The following NBEA variants were observed in gnomAD, a reference collection of about 807,000 sequenced individuals.
NBEA encodes the protein lysosomal-trafficking regulator 2.
A neutral mutation model predicts 343.4 loss-of-function variants in NBEA; 44 were observed. The observed-to-expected ratio is 0.13, with a 90% CI of 0.10 to 0.16. NBEA has a LOEUF of 0.16. Among genes scored for constraint, NBEA ranks in the 10% least tolerant of loss-of-function variants. The pLI is 1.00. For missense variants in NBEA, 2,555 were observed against 3,631.3 expected, an observed-to-expected ratio of 0.70 and a Z score of 7.62; for synonymous variants, 1,175 against 1,238.7, an observed-to-expected ratio of 0.95 and a Z score of 1.08.
intron 33 of NBEA, among the ~76,000 whole-genome samples, chr13:35,216,942 A>C (rs1304093752): frequency 1.3e-5 from 2 of 151,920 alleles, no homozygotes; most frequent in Admixed American, 6.6e-5. Flanking sequence ...CTCTATGGTA[A>C]GTATATGATT....
At chr13:35,291,517 C>T (rs2035799892) in intron 35 of NBEA, among the ~76,000 whole-genome samples, 1 of 151,788 alleles carries the variant, frequency 6.6e-6, no homozygotes, top group African/African-American at 2.4e-5. Flanking sequence ...AAACAACATC[C>T]CTGTGAGGAG....
In NBEA at chr13:35,476,550, C is replaced by T. The variant is rs1214967927; in HGVS notation, c.6585+4014C>T. The T allele has an allele frequency of 1.5e-5, 9 of 592,124 alleles. No homozygotes were observed. In the East Asian group the frequency reaches 2.0e-4, roughly 13 times the overall value. The allele number at this position is 592,124 out of a possible 1,614,324, so 36.7% of individuals were successfully genotyped here. The stretch of plus-strand genomic sequence containing the variant: ...TCTTCCAGTAGTCAAAATAAGCACC[C>T]CTTTCCGTATTTATTTGCGCTTTCC... On this transcript the variant is annotated intron_variant, in intron 41 of 58. Coordinates refer to ENST00000379939, the MANE Select transcript of NBEA (RefSeq NM_001385012.1).
At chr13:35,054,103 A>G (rs2063159825) in intron 6 of NBEA, among the ~76,000 whole-genome samples, 1 of 152,120 alleles carries the variant, frequency 6.6e-6, no homozygotes, top group Non-Finnish European at 1.5e-5. Context: ...TATTTATCTT[A>G]AAACTGTCTT....
At chr13:35,096,626 G>A (rs2065345440) in intron 10 of NBEA, among the ~76,000 whole-genome samples, 1 of 151,816 alleles carries the variant, frequency 6.6e-6, no homozygotes, top group Non-Finnish European at 1.5e-5. Context: ...CTCATGCTTA[G>A]GAATCCATTT....
At chr13:35,182,647 G>A (rs1217227100) in intron 29 of NBEA, 119 bp downstream of exon 29, 37 of 928,288 alleles carry the variant, frequency 4.0e-5, no homozygotes, top group East Asian at 1.5e-4. Flanking sequence ...ATGAATGGTT[G>A]GTATAGAAAT....
intron 49 of NBEA, among the ~76,000 whole-genome samples, chr13:35,639,108 T>G (rs528091656): frequency 1.3e-5 from 2 of 152,308 alleles, no homozygotes; most frequent in Admixed American, 1.3e-4. Flanking sequence ...GCTTAAATAT[T>G]CTAATAATTT....
chr13:35,230,799 A>G (rs766741693), intron 33 of NBEA, among the ~76,000 whole-genome samples: 2 of 152,028 alleles, frequency 1.3e-5, no homozygotes, highest in Non-Finnish European at 2.9e-5. Context: ...AGTCATTCTC[A>G]AAGTGTGTTT....
At chr13:35,127,264 T>C (rs1010867207) in intron 17 of NBEA, among the ~76,000 whole-genome samples, 4 of 152,188 alleles carry the variant, frequency 2.6e-5, no homozygotes, top group Admixed American at 2.0e-4. Context: ...AAACTATCCT[T>C]TAAGTAAAAA....
chr13:35,455,256 A>G (rs1205336849), intron 40 of NBEA, among the ~76,000 whole-genome samples: 1 of 152,182 alleles, frequency 6.6e-6, no homozygotes, highest in Non-Finnish European at 1.5e-5. Flanking sequence ...GATATGCAGT[A>G]TAATTTGCCA....
chr13:35,442,776 C>A (rs1239233167), intron 39 of NBEA, among the ~76,000 whole-genome samples: 2 of 152,064 alleles, frequency 1.3e-5, no homozygotes, highest in African/African-American at 4.8e-5. Context: ...AAATGAATTG[C>A]ATGACTTTGA....
At chr13:35,012,919 C>T (rs1329676652) in intron 1 of NBEA, among the ~76,000 whole-genome samples, 1 of 152,020 alleles carries the variant, frequency 6.6e-6, no homozygotes, top group Non-Finnish European at 1.5e-5. Context: ...TGGAGTGGAA[C>T]TAGAGTTCGA....
intron 12 of NBEA, among the ~76,000 whole-genome samples, chr13:35,110,309 C>T (rs2066138329): frequency 6.6e-6 from 1 of 150,996 alleles, no homozygotes. Flanking sequence ...CATCTCTATG[C>T]TCACATGGTC....
chr13:35,082,798 A>G (rs919730197), intron 10 of NBEA, among the ~76,000 whole-genome samples: 2 of 151,954 alleles, frequency 1.3e-5, no homozygotes, highest in African/African-American at 2.4e-5. Flanking sequence ...GTTTGAGTTC[A>G]TTGTAGATTC....
chr13:35,367,741 T>G (rs1279640470), intron 38 of NBEA, among the ~76,000 whole-genome samples: 1 of 151,450 alleles, frequency 6.6e-6, no homozygotes, highest in Admixed American at 6.6e-5. Context: ...ACATCTGGCT[T>G]TTGGATGAAG....
rs577116730 is a variant in NBEA, at chr13:35,019,951, A to G, written c.295-20982A>G. Reference sequence around the variant, plus strand: ...TTTGCTTCATCGGGCTAGATAAATTACAGAACTAACCAACATTTGATTTCA... The same window carrying G: ...TTTGCTTCATCGGGCTAGATAAATTGCAGAACTAACCAACATTTGATTTCA... On this transcript the variant is annotated intron_variant, in intron 1 of 58. Transcript: ENST00000379939. Among the ~76,000 whole-genome samples the G allele has an allele frequency of 1.0e-3, 156 of 152,312 alleles. No individual in the cohort carries two copies. The Middle Eastern group carries it at 0.014, about 13-fold the overall frequency.
chr13:35,485,419 A>T (rs2076272721), intron 41 of NBEA, among the ~76,000 whole-genome samples: 1 of 152,108 alleles, frequency 6.6e-6, no homozygotes, highest in Non-Finnish European at 1.5e-5. Context: ...ATGTTTATTC[A>T]TACTATAATC....
intron 38 of NBEA, among the ~76,000 whole-genome samples, chr13:35,362,465 A>G (rs1261454555): frequency 6.6e-6 from 1 of 151,970 alleles, no homozygotes; most frequent in African/African-American, 2.4e-5. Context: ...TATATAATAT[A>G]AAATGTCCAG....
At chr13:35,069,728 T>C (rs1434315142) in intron 8 of NBEA, among the ~76,000 whole-genome samples, 180 bp from the exon 9 acceptor site, 2 of 152,120 alleles carry the variant, frequency 1.3e-5, no homozygotes. Context: ...ATTGGCATAA[T>C]AAAACTTAAC....
intron 34 of NBEA, among the ~76,000 whole-genome samples, chr13:35,269,178 CAT>C (rs1464107088): frequency 6.6e-6 from 1 of 152,088 alleles, no homozygotes; most frequent in Non-Finnish European, 1.5e-5. Context: ...TAAAAAATAA[CAT>C]AAGTTGAACC....
Sources: allele counts gnomAD v4.1 joint callset (sites outside exome capture counted in the v4.1 genomes callset), GRCh38; gene constraint gnomAD v4.1.1; transcripts MANE v1.5; gene names NCBI Gene and HGNC (gene_info 2026-07-23, HGNC 2026-07-21).